CD300A: variants seen among roughly 807,000 people sequenced by gnomAD.
The protein encoded by CD300A is CMRF35-like molecule 8.
CD300A carries 22 observed loss-of-function variants against 33.6 expected under a neutral mutation model. That is an observed-to-expected ratio of 0.66 (90% CI 0.47 to 0.94). The LOEUF is 0.94. Ranked by LOEUF, CD300A falls within the 40% of genes least tolerant of loss-of-function variation. The probability of loss-of-function intolerance (pLI) is 0.00; values close to 1 mark genes in which losing one functional copy is unlikely to be tolerated. For missense variants in CD300A, 326 were observed against 360.5 expected (o/e 0.90, Z 0.77); for synonymous variants, 136 against 148.1 (o/e 0.92, Z 0.59).
chr17:74,473,483 C>T (rs918993160), intron 1 of CD300A, 53 bp from the exon 2 acceptor site: 1 of 1,557,798 alleles, frequency 6.4e-7, no homozygotes. Context: ...CCCAGGGCAC[C>T]CCTGACCAGG....
At chr17:74,482,732 T>TCCTTCCTTCCTTCC (rs1555639394) in intron 6 of CD300A, among the ~76,000 whole-genome samples, 9 of 132,992 alleles carry the variant, frequency 6.8e-5, no homozygotes, top group African/African-American at 3.1e-4. Flanking sequence ...CTTTCTTTCT[T>TCCTTCCTTCCTTCC]TGGAATCTCG....
At chr17:74,472,724 C>T (rs539124087) in intron 1 of CD300A, among the ~76,000 whole-genome samples, 22 of 152,108 alleles carry the variant, frequency 1.4e-4, no homozygotes, top group African/African-American at 5.1e-4. Flanking sequence ...ATTCTTGTGC[C>T]TCAGCCTCCC....
At chr17:74,470,156 G>A in intron 1 of CD300A, 2 of 985,432 alleles carry the variant, frequency 2.0e-6, no homozygotes, top group Non-Finnish European at 1.2e-6. Flanking sequence ...TATGATTAGA[G>A]GGGTTTGGGG....
intron 2 of CD300A, 60 bp from the exon 3 acceptor site, chr17:74,474,472 C>T: frequency 6.4e-7 from 1 of 1,574,322 alleles, no homozygotes; most frequent in South Asian, 1.1e-5. Context: ...AAAAGGCATC[C>T]TGAGTGGTGG....
chr17:74,484,135 C>T lies in CD300A; in HGVS notation c.*9C>T. The T allele has an allele frequency of 1.2e-6, 2 of 1,612,900 alleles. No homozygotes were observed. The highest frequency in any genetic ancestry group is 1.7e-6 in the Non-Finnish European group (2 of 1,179,478). ...TGATAAGGAAGACATAGGCTTTTGT[C>T]CTGCCTCGCCATCGGAGCTCTCATG... is the stretch of plus-strand genomic sequence containing the variant. On this transcript the variant is annotated 3_prime_UTR_variant, in exon 7 of 7. Transcript: ENST00000360141.
rs552110149 is a variant in CD300A at position 74,481,660 on chromosome 17, C to T, written c.667-66C>T. ...AGCATAGAGGAAGGGGAGACACATG[C>T]AGAGACGCAGGGACAGAGGCTGCAG... On this transcript the variant is annotated intron_variant, in intron 5 of 6. Coordinates refer to ENST00000360141, the MANE Select transcript of CD300A (RefSeq NM_007261.4). 300 of 1,156,540 alleles carry T rather than the reference C, an allele frequency of 2.6e-4. 1 individual carries two copies. In the African/African-American group the frequency reaches 4.2e-3, roughly 16 times the overall value. 71.6% of individuals were successfully genotyped at this position (1,156,540 alleles called of 1,614,324 possible). A position where few individuals can be genotyped will look rare whatever the true frequency, so the allele number is the denominator to read the frequency against.
chr17:74,467,003 GA>G (rs1905754842), intron 1 of CD300A: 1 of 1,377,950 alleles, frequency 7.3e-7, no homozygotes, highest in African/African-American at 1.5e-5. Context: ...GGTGGGTGCA[GA>G]AAAGGGACCT....
At chr17:74,481,095 C>T (rs1377105434) in intron 4 of CD300A, among the ~76,000 whole-genome samples, 194 bp from the exon 5 acceptor site, 2 of 152,248 alleles carry the variant, frequency 1.3e-5, no homozygotes, top group African/African-American at 2.4e-5. Flanking sequence ...ATCCTGTGCT[C>T]GTTCATTCAT....
At position 74,474,790 on chromosome 17, in the gene CD300A, C is replaced by G. The variant is rs978950422; in HGVS notation, c.533+105C>G. The G allele has an allele frequency of 7.0e-6, 9 of 1,286,128 alleles. No homozygotes were observed. The Admixed American group carries it at 1.6e-4, about 23-fold the overall frequency. The allele number at this position is 1,286,128 out of a possible 1,614,324, so 79.7% of individuals were successfully genotyped here. A position where few individuals can be genotyped will look rare whatever the true frequency, so the allele number is the denominator to read the frequency against. ...GGCCAGCTGGAGGTGTGCATCGCTC[C>G]CTTTGCCCCAGGCCCAGGTTGGAAG... On this transcript the variant is annotated intron_variant, in intron 3 of 6. Coordinates refer to ENST00000360141, the MANE Select transcript of CD300A (RefSeq NM_007261.4).
At chr17:74,479,321 C>T (rs752173486) in intron 4 of CD300A, among the ~76,000 whole-genome samples, 42 of 152,048 alleles carry the variant, frequency 2.8e-4, no homozygotes, top group Non-Finnish European at 5.1e-4. Context: ...ACTCCAGCCT[C>T]GACCCCCCAC....
chr17:74,482,172 A>G (rs1906900965), intron 6 of CD300A, among the ~76,000 whole-genome samples: 8 of 136,802 alleles, frequency 5.8e-5, no homozygotes. Context: ...CTTTGACATC[A>G]ATTCTGCTTT....
At chr17:74,469,229 TA>T (rs1160315636) in intron 1 of CD300A, among the ~76,000 whole-genome samples, 5 of 151,776 alleles carry the variant, frequency 3.3e-5, no homozygotes, top group Admixed American at 6.6e-5. Flanking sequence ...TGGTCTACAT[TA>T]AAAAAAATCT....
At chr17:74,471,493 G>A (rs1906097470) in intron 1 of CD300A, among the ~76,000 whole-genome samples, 1 of 152,190 alleles carries the variant, frequency 6.6e-6, no homozygotes, top group Non-Finnish European at 1.5e-5. Flanking sequence ...GGCCATATGA[G>A]TCAGGGACAA....
chr17:74,484,319 G>T lies in CD300A; in HGVS notation c.*193G>T. The T allele has an allele frequency of 1.9e-6, 1 of 529,082 alleles. No individual in the cohort carries two copies. The highest frequency in any genetic ancestry group is 5.4e-4 in the Middle Eastern group (1 of 1,848). 32.8% of individuals were successfully genotyped at this position (529,082 alleles called of 1,614,324 possible). On this transcript the variant is annotated 3_prime_UTR_variant, in exon 7 of 7. Transcript: ENST00000360141. ...CTTCCCCGAGGGCCAGCAGGGCTGGGGGCTCCGGAGAGCAGCAGGAAGCAC... is the reference window on the plus strand; with the variant it reads ...CTTCCCCGAGGGCCAGCAGGGCTGGTGGCTCCGGAGAGCAGCAGGAAGCAC...
rs149566286 is a variant in CD300A, at chr17:74,473,409, G to A, written c.41-127G>A. The A allele has an allele frequency of 4.3e-4, 361 of 837,136 alleles. 1 individual carries two copies. The African/African-American group carries it at 5.4e-3, about 12-fold the overall frequency. 51.9% of individuals were successfully genotyped at this position (837,136 alleles called of 1,614,324 possible). On this transcript the variant is annotated intron_variant, in intron 1 of 6. Transcript: ENST00000360141. ...TCTCATCCTCAGTCCCCGCTCCTGGGTGGACAAGGCCTCTCTGCCTGCCGC... is the reference window on the plus strand; with the variant it reads ...TCTCATCCTCAGTCCCCGCTCCTGGATGGACAAGGCCTCTCTGCCTGCCGC...
chr17:74,474,453 A>G (rs1906330449), intron 2 of CD300A, 79 bp from the exon 3 acceptor site: 4 of 1,475,006 alleles, frequency 2.7e-6, no homozygotes, highest in Middle Eastern at 1.8e-4. Flanking sequence ...TTTGTGTGAA[A>G]TCAAACCAAA....
chr17:74,469,151 A>G (rs1205985190), intron 1 of CD300A, among the ~76,000 whole-genome samples: 3 of 151,892 alleles, frequency 2.0e-5, no homozygotes, highest in Admixed American at 1.3e-4. Flanking sequence ...AGCTTGTAAA[A>G]CTGTCTGAGT....
At chr17:74,477,104 T>C (rs901935080) in intron 3 of CD300A, among the ~76,000 whole-genome samples, 2 of 152,340 alleles carry the variant, frequency 1.3e-5, no homozygotes, top group South Asian at 4.1e-4. Flanking sequence ...TATTGGCTCA[T>C]GCCTGTCATC....
At chr17:74,476,886 T>A (rs1462070994) in intron 3 of CD300A, among the ~76,000 whole-genome samples, 2 of 151,930 alleles carry the variant, frequency 1.3e-5, no homozygotes, top group Admixed American at 6.6e-5. Context: ...CTCCTTTGTG[T>A]GAAAGAGAAA....
Sources: allele counts gnomAD v4.1 joint callset (sites outside exome capture counted in the v4.1 genomes callset), GRCh38; gene constraint gnomAD v4.1.1; transcripts MANE v1.5; gene names NCBI Gene and HGNC (gene_info 2026-07-23, HGNC 2026-07-21).